HS3ST5: variants seen among roughly 807,000 people sequenced by gnomAD.
The protein encoded by HS3ST5 is heparan sulfate-glucosamine 3-sulfotransferase 5.
A neutral mutation model predicts 25.4 loss-of-function variants in HS3ST5; 10 were observed. The observed-to-expected ratio is 0.39, with a 90% CI of 0.24 to 0.67. The LOEUF is 0.67. Ranked by LOEUF, HS3ST5 falls within the 30% of genes least tolerant of loss-of-function variation. HS3ST5 has a pLI of 0.44. For synonymous variants in HS3ST5, 170 were observed against 162.4 expected (o/e 1.05, Z -0.36); for missense variants, 324 against 420.7 (o/e 0.77, Z 2.01).
At chr6:114,341,242 A>G (rs973487093) in intron 1 of HS3ST5, among the ~76,000 whole-genome samples, 16 of 146,432 alleles carry the variant, frequency 1.1e-4, no homozygotes, top group African/African-American at 4.2e-4. Context: ...AGAGAGAGAG[A>G]GAGAGAGAGA....
intron 3 of HS3ST5, among the ~76,000 whole-genome samples, chr6:114,066,330 T>A (rs1359033355): frequency 2.6e-5 from 4 of 152,194 alleles, no homozygotes; most frequent in Non-Finnish European, 5.9e-5. Context: ...GATATTCTGA[T>A]TCAATGGGTA....
At position 114,062,835 on chromosome 6, in the gene HS3ST5, TTG is replaced by T. The variant is rs1251629277; in HGVS notation, c.9_10del (p.Phe3LeufsTer33). The T allele has an allele frequency of 6.2e-7, 1 of 1,613,716 alleles. No homozygotes were observed. The highest frequency in any genetic ancestry group is 1.3e-5 in the African/African-American group (1 of 74,910). Reference sequence around the variant, plus strand: ...CTTCTGTCTCAGCCACGCCTGCTGTTTGAATAGCATGGCCCTCCATCAACCTT... The same window carrying T: ...CTTCTGTCTCAGCCACGCCTGCTGTTAATAGCATGGCCCTCCATCAACCTT... On this transcript the variant is annotated frameshift_variant, in exon 4 of 5. Transcript: ENST00000312719. LOFTEE classifies it high-confidence loss of function.
chr6:114,089,989 T>A (rs1775037639), intron 3 of HS3ST5, among the ~76,000 whole-genome samples: 1 of 152,232 alleles, frequency 6.6e-6, no homozygotes. Flanking sequence ...TTTCTGAAGC[T>A]CTGGCGTTGG....
chr6:114,128,947 T>C (rs1777190878), intron 3 of HS3ST5, among the ~76,000 whole-genome samples: 1 of 152,172 alleles, frequency 6.6e-6, no homozygotes, highest in Non-Finnish European at 1.5e-5. Flanking sequence ...GCTGATAAAT[T>C]CTCTTCATCT....
intron 1 of HS3ST5, among the ~76,000 whole-genome samples, chr6:114,270,111 GA>G (rs962683985): frequency 4.6e-5 from 7 of 152,172 alleles, no homozygotes. Flanking sequence ...GTCTGTGGAC[GA>G]TGTCAGGAAA....
At chr6:114,078,754 C>T (rs766187489) in intron 3 of HS3ST5, among the ~76,000 whole-genome samples, 1 of 152,176 alleles carries the variant, frequency 6.6e-6, no homozygotes, top group African/African-American at 2.4e-5. Flanking sequence ...AATTCATCCC[C>T]TTTCTATGAA....
chr6:114,078,841 C>T (rs749182765), intron 3 of HS3ST5, among the ~76,000 whole-genome samples: 4 of 152,136 alleles, frequency 2.6e-5, no homozygotes, highest in Non-Finnish European at 4.4e-5. Flanking sequence ...TATAGGCACA[C>T]CTTGGAGATG....
At chr6:114,170,972 G>T (rs1481195838) in intron 2 of HS3ST5, among the ~76,000 whole-genome samples, 1 of 152,082 alleles carries the variant, frequency 6.6e-6, no homozygotes, top group Non-Finnish European at 1.5e-5. Flanking sequence ...TGCATCTTTT[G>T]TTGGTTTCTA....
intron 3 of HS3ST5, among the ~76,000 whole-genome samples, chr6:114,166,348 T>C (rs1215656910): frequency 1.3e-5 from 2 of 152,172 alleles, no homozygotes; most frequent in Admixed American, 6.5e-5. Flanking sequence ...CACAAAGAAA[T>C]AGCAGCAGCC....
At chr6:114,109,794 T>G (rs1015481282) in intron 3 of HS3ST5, among the ~76,000 whole-genome samples, 1 of 152,242 alleles carries the variant, frequency 6.6e-6, no homozygotes, top group Non-Finnish European at 1.5e-5. Context: ...ATAGCAATTC[T>G]GCCTTAATTT....
chr6:114,230,886 C>T (rs1038341390), intron 1 of HS3ST5, among the ~76,000 whole-genome samples: 1 of 152,122 alleles, frequency 6.6e-6, no homozygotes, highest in African/African-American at 2.4e-5. Context: ...CCGCGCCCGG[C>T]CCCTAAGACG....
At chr6:114,134,969 A>G (rs1290050956) in intron 3 of HS3ST5, among the ~76,000 whole-genome samples, 1 of 152,242 alleles carries the variant, frequency 6.6e-6, no homozygotes, top group East Asian at 1.9e-4. Flanking sequence ...GCACAGGGTA[A>G]GGAGGCTCAG....
intron 1 of HS3ST5, among the ~76,000 whole-genome samples, chr6:114,314,337 C>G (rs559181612): frequency 7.2e-5 from 11 of 152,312 alleles, no homozygotes; most frequent in South Asian, 6.2e-4. Context: ...CATACTTTAA[C>G]AACCACTACT....
In HS3ST5 at chr6:114,238,459, AT is replaced by A. The variant is rs372241704; in HGVS notation, c.-338-9682del. Reference sequence around the variant, plus strand: ...TTAAAAAGAAGAATAGGAAAAAAATATTTTTTGTGTGTCTTTAAAAAGATTT... The same window carrying A: ...TTAAAAAGAAGAATAGGAAAAAAATATTTTTGTGTGTCTTTAAAAAGATTT... On this transcript the variant is annotated intron_variant, in intron 1 of 4. Coordinates refer to ENST00000312719, the MANE Select transcript of HS3ST5 (RefSeq NM_153612.4). Among the ~76,000 whole-genome samples the A allele has an allele frequency of 4.1e-4, 63 of 152,238 alleles. No homozygotes were observed. In the East Asian group the frequency reaches 6.8e-3, roughly 16 times the overall value.
At chr6:114,207,399 A>G (rs920466806) in intron 2 of HS3ST5, among the ~76,000 whole-genome samples, 5 of 152,188 alleles carry the variant, frequency 3.3e-5, no homozygotes, top group Admixed American at 1.3e-4. Flanking sequence ...GAGAAAAAGT[A>G]CCAGTTGATA....
At chr6:114,126,154 A>G (rs1239904685) in intron 3 of HS3ST5, among the ~76,000 whole-genome samples, 1 of 152,224 alleles carries the variant, frequency 6.6e-6, no homozygotes, top group East Asian at 1.9e-4. Flanking sequence ...TAGACCAAGA[A>G]AAAAGTGCCA....
chr6:114,192,715 C>T (rs1445328897), intron 2 of HS3ST5, among the ~76,000 whole-genome samples: 1 of 152,154 alleles, frequency 6.6e-6, no homozygotes, highest in African/African-American at 2.4e-5. Flanking sequence ...GATTATTCAG[C>T]TAGAGACCTC....
intron 1 of HS3ST5, among the ~76,000 whole-genome samples, chr6:114,326,520 C>T (rs1438566644): frequency 1.3e-5 from 2 of 152,118 alleles, no homozygotes; most frequent in Non-Finnish European, 2.9e-5. Context: ...TCCTCAGTAC[C>T]AATTTATGAA....
At chr6:114,262,048 T>C (rs1773197413) in intron 1 of HS3ST5, among the ~76,000 whole-genome samples, 1 of 152,318 alleles carries the variant, frequency 6.6e-6, no homozygotes, top group African/African-American at 2.4e-5. Flanking sequence ...TCGTGCATCA[T>C]TAATTTGTGT....
Sources: gnomAD v4.1 joint callset for allele counts (sites outside exome capture counted in the v4.1 genomes callset) on GRCh38, gnomAD v4.1.1 for gene constraint, MANE v1.5 for transcripts, NCBI Gene and HGNC (gene_info 2026-07-23, HGNC 2026-07-21) for gene names.